CMSS1: variants seen among roughly 807,000 people sequenced by gnomAD.
CMSS1 encodes protein CMSS1.
In CMSS1, 33 loss-of-function variants were observed where a neutral mutation model predicts 43.5. The ratio of observed to expected loss-of-function variants is 0.76; its 90% CI spans 0.57 to 1.01. The LOEUF is 1.01. CMSS1 is among the 50% of genes least tolerant of loss of function. CMSS1 has a pLI of 0.00. For synonymous variants in CMSS1, 115 were observed against 117.2 expected (o/e 0.98, Z 0.12); for missense variants, 313 against 326.4 (o/e 0.96, Z 0.32).
At chr3:99,952,450 A>G (rs191184319) in intron 1 of CMSS1, among the ~76,000 whole-genome samples, 28 of 152,318 alleles carry the variant, frequency 1.8e-4, no homozygotes, top group Admixed American at 1.4e-3. Flanking sequence ...CAAAAATTCC[A>G]ACTCTGAGAA....
intron 1 of CMSS1, among the ~76,000 whole-genome samples, chr3:99,834,417 ATC>A (rs1378917974): frequency 1.3e-5 from 2 of 152,180 alleles, no homozygotes; most frequent in Non-Finnish European, 2.9e-5. Flanking sequence ...TCACCTCTCA[ATC>A]TCTCTTTCTG....
At chr3:100,115,867 T>C (rs1473873794) in intron 1 of CMSS1, among the ~76,000 whole-genome samples, 1 of 152,210 alleles carries the variant, frequency 6.6e-6, no homozygotes, top group Non-Finnish European at 1.5e-5. Flanking sequence ...AATGGTTTTT[T>C]AGTCCACGAT....
At chr3:100,127,844 A>C in intron 1 of CMSS1, among the ~76,000 whole-genome samples, 1 of 152,216 alleles carries the variant, frequency 6.6e-6, no homozygotes, top group Middle Eastern at 3.2e-3. Context: ...TGGTAAGTAC[A>C]GCCCAAATGA....
intron 1 of CMSS1, among the ~76,000 whole-genome samples, chr3:100,028,218 T>A (rs1168184397): frequency 6.6e-6 from 1 of 152,212 alleles, no homozygotes; most frequent in East Asian, 1.9e-4. Flanking sequence ...ATCCCAGTTT[T>A]GCAGATGAGG....
At chr3:100,123,097 A>C (rs2066634926) in intron 1 of CMSS1, among the ~76,000 whole-genome samples, 1 of 152,238 alleles carries the variant, frequency 6.6e-6, no homozygotes, top group Non-Finnish European at 1.5e-5. Context: ...AAGGTAACAA[A>C]TCAGATGATA....
chr3:100,152,057 C>T (rs1376300823), intron 2 of CMSS1, among the ~76,000 whole-genome samples: 2 of 152,174 alleles, frequency 1.3e-5, no homozygotes, highest in East Asian at 1.9e-4. Flanking sequence ...ATAGGAGGCA[C>T]ATGGAGTCAT....
chr3:100,132,818 CAAAAAAAAAA>C (rs537334560), intron 1 of CMSS1, among the ~76,000 whole-genome samples: 3 of 66,358 alleles, frequency 4.5e-5, no homozygotes, highest in Admixed American at 1.9e-4. Context: ...GACTCCATCC[CAAAAAAAAAA>C]AAAAAAAAAA....
rs565070267 is a variant in CMSS1 at position 100,121,266 on chromosome 3, G to A, written c.65-25707G>A. Among the ~76,000 whole-genome samples the A allele has an allele frequency of 1.9e-4, 17 of 90,008 alleles. No individual in the cohort carries two copies. In the South Asian group the frequency reaches 2.6e-3, roughly 14 times the overall value. The allele number at this position is 90,008 out of a possible 152,430, so 59.0% of individuals were successfully genotyped here. ...TAGCCCCCCACCCCCCTACAGGCCC[G>A]ATGTGTGATGTTCCCCTCCCTGTGT... On this transcript the variant is annotated intron_variant, in intron 1 of 9. Transcript: ENST00000421999.
chr3:100,016,200 G>A (rs1710333386), intron 1 of CMSS1, among the ~76,000 whole-genome samples: 1 of 151,986 alleles, frequency 6.6e-6, no homozygotes, highest in Non-Finnish European at 1.5e-5. Context: ...TTGTTTGTTT[G>A]TTTGTTTTTG....
At chr3:100,074,253 A>T (rs1031812913) in intron 1 of CMSS1, among the ~76,000 whole-genome samples, 1 of 152,208 alleles carries the variant, frequency 6.6e-6, no homozygotes, top group Admixed American at 6.5e-5. Context: ...GACTGTGGAG[A>T]GCTCTTCGCT....
At chr3:99,948,198 A>G (rs996661939) in intron 1 of CMSS1, among the ~76,000 whole-genome samples, 2 of 152,222 alleles carry the variant, frequency 1.3e-5, no homozygotes, top group African/African-American at 4.8e-5. Context: ...TGCATGGTAT[A>G]GGACATGGAG....
At chr3:100,131,720 C>G (rs971890121) in intron 1 of CMSS1, among the ~76,000 whole-genome samples, 25 of 152,152 alleles carry the variant, frequency 1.6e-4, no homozygotes, top group African/African-American at 6.0e-4. Flanking sequence ...TTTTAAATAA[C>G]TTAAGGTGTG....
intron 1 of CMSS1, among the ~76,000 whole-genome samples, chr3:99,935,129 C>G (rs1707619737): frequency 6.6e-6 from 1 of 152,096 alleles, no homozygotes; most frequent in Non-Finnish European, 1.5e-5. Flanking sequence ...TCATGATACT[C>G]TCATGCTTTG....
At chr3:100,046,425 C>T (rs1000671465) in intron 1 of CMSS1, among the ~76,000 whole-genome samples, 1 of 151,394 alleles carries the variant, frequency 6.6e-6, no homozygotes, top group African/African-American at 2.4e-5. Flanking sequence ...AAGTAAACAA[C>T]CTTTTTTTTT....
chr3:100,051,156 CA>C (rs2065365126), intron 1 of CMSS1: 1 of 151,932 alleles, frequency 6.6e-6, no homozygotes, highest in Non-Finnish European at 1.5e-5. Context: ...TTCCATAAGT[CA>C]GAAATTTAAA....
In CMSS1 at chr3:100,180,323, T is replaced by A. The variant is rs1024838480; in HGVS notation, c.*1935T>A. On this transcript the variant is annotated 3_prime_UTR_variant, in exon 10 of 10. Coordinates refer to ENST00000421999, the MANE Select transcript of CMSS1 (RefSeq NM_032359.4). ...TCTCCCCAGAAAATGGCTTTTCTTT[T>A]CTACCACATGGTCAGGCTGCAAATT... is the stretch of plus-strand genomic sequence containing the variant. 6.6e-6 allele frequency: 1 copy of A among 152,268 alleles called. No individual in the cohort carries two copies. Among genetic ancestry groups the A allele is most frequent in the Non-Finnish European group, 1.5e-5 (1 of 68,050 alleles). The allele number at this position is 152,268 out of a possible 1,614,324, so 9.4% of individuals were successfully genotyped here.
chr3:100,071,942 T>C (rs1219478347), intron 1 of CMSS1, among the ~76,000 whole-genome samples: 3 of 152,168 alleles, frequency 2.0e-5, no homozygotes, highest in Non-Finnish European at 4.4e-5. Flanking sequence ...CAATTTGGTG[T>C]CTTGATCGGC....
intron 1 of CMSS1, among the ~76,000 whole-genome samples, chr3:99,990,279 T>C (rs1709474723): frequency 6.6e-6 from 1 of 152,144 alleles, no homozygotes; most frequent in African/African-American, 2.4e-5. Context: ...ATTCTGTTTC[T>C]ATATCAGGGC....
chr3:100,141,450 A>G (rs918949699), intron 1 of CMSS1: 1 of 425,880 alleles, frequency 2.3e-6, no homozygotes, highest in Non-Finnish European at 4.7e-6. Flanking sequence ...TGGTCTTAAC[A>G]TATTGTGGTG....
Sources: allele counts gnomAD v4.1 joint callset (sites outside exome capture counted in the v4.1 genomes callset), GRCh38; gene constraint gnomAD v4.1.1; transcripts MANE v1.5; gene names NCBI Gene and HGNC (gene_info 2026-07-23, HGNC 2026-07-21).